The following RAP1GDS1 variants were observed in gnomAD, a reference collection of about 807,000 sequenced individuals.
The protein encoded by RAP1GDS1 is Rap1 GTPase-GDP dissociation stimulator 1.
RAP1GDS1 carries 35 observed loss-of-function variants against 71.1 expected under a neutral mutation model. The observed-to-expected ratio is 0.49, with a 90% CI of 0.38 to 0.65. The LOEUF (loss-of-function observed/expected upper bound fraction) is 0.65. RAP1GDS1 is among the 30% of genes least tolerant of loss of function. The pLI is 0.00. For missense variants in RAP1GDS1, 663 were observed against 706.1 expected (o/e 0.94, Z 0.69); for synonymous variants, 229 against 243.1 (o/e 0.94, Z 0.54).
At chr4:98,339,036 A>G (rs1051215637) in intron 2 of RAP1GDS1, among the ~76,000 whole-genome samples, 1 of 152,148 alleles carries the variant, frequency 6.6e-6, no homozygotes, top group Non-Finnish European at 1.5e-5. Flanking sequence ...AATACTTTGT[A>G]TTGACCTTGA....
chr4:98,303,789 T>C (rs1201013687), intron 2 of RAP1GDS1, among the ~76,000 whole-genome samples: 8 of 152,086 alleles, frequency 5.3e-5, no homozygotes, highest in Non-Finnish European at 8.8e-5. Context: ...TTGCTGCACC[T>C]ATCAACCCTT....
At chr4:98,386,778 A>G (rs1202184349) in intron 5 of RAP1GDS1, among the ~76,000 whole-genome samples, 1 of 152,032 alleles carries the variant, frequency 6.6e-6, no homozygotes, top group African/African-American at 2.4e-5. Flanking sequence ...ATTTGAGTAT[A>G]TAAAGTTTTT....
chr4:98,288,422 C>A (rs374810780), intron 1 of RAP1GDS1, among the ~76,000 whole-genome samples: 4 of 152,158 alleles, frequency 2.6e-5, no homozygotes, highest in East Asian at 3.9e-4. Context: ...TTCTTAATCC[C>A]GTCTATCATT....
intron 2 of RAP1GDS1, among the ~76,000 whole-genome samples, chr4:98,295,397 A>T (rs7683964): frequency 0.15 from 22,394 of 152,118 alleles, 2,459 homozygotes; most frequent in African/African-American, 0.3. Context: ...AATGCCCTCA[A>T]GCCTAAGACT....
At chr4:98,413,613 C>CT (rs1254248171) in intron 7 of RAP1GDS1, among the ~76,000 whole-genome samples, 1 of 151,410 alleles carries the variant, frequency 6.6e-6, no homozygotes, top group Non-Finnish European at 1.5e-5. Flanking sequence ...TTAATCCAGT[C>CT]TATCATTGTT....
intron 1 of RAP1GDS1, among the ~76,000 whole-genome samples, chr4:98,288,260 C>T (rs1726339655): frequency 1.3e-5 from 2 of 152,130 alleles, no homozygotes; most frequent in Admixed American, 1.3e-4. Context: ...CAGTTCCCAC[C>T]TATGAGTGAG....
At chr4:98,326,743 C>T (rs1560842127) in intron 2 of RAP1GDS1, among the ~76,000 whole-genome samples, 3 of 152,292 alleles carry the variant, frequency 2.0e-5, no homozygotes, top group South Asian at 2.1e-4. Context: ...CTCAGCTCCA[C>T]TCACTAGGTT....
intron 4 of RAP1GDS1, among the ~76,000 whole-genome samples, chr4:98,378,142 C>CT (rs1741449063): frequency 6.6e-6 from 1 of 151,750 alleles, no homozygotes; most frequent in African/African-American, 2.4e-5. Flanking sequence ...TGGACCTCTT[C>CT]TAGAGGGTGG....
intron 1 of RAP1GDS1, among the ~76,000 whole-genome samples, chr4:98,283,938 G>A (rs73834403): frequency 0.041 from 6,284 of 151,448 alleles, 306 homozygotes; most frequent in African/African-American, 0.12. Flanking sequence ...TCTATATAAA[G>A]GAAGGTACAG....
At chr4:98,416,132 A>G (rs1747950341) in intron 7 of RAP1GDS1, among the ~76,000 whole-genome samples, 1 of 152,056 alleles carries the variant, frequency 6.6e-6, no homozygotes, top group South Asian at 2.1e-4. Flanking sequence ...CATGATATCT[A>G]GAGTAATAGT....
chr4:98,318,118 C>T (rs998031332), intron 2 of RAP1GDS1, among the ~76,000 whole-genome samples: 4 of 152,188 alleles, frequency 2.6e-5, no homozygotes, highest in Admixed American at 2.0e-4. Flanking sequence ...GTTGGGATTA[C>T]AGGCGTGAGC....
At chr4:98,432,788 AAAT>A (rs1750613283) in intron 12 of RAP1GDS1, among the ~76,000 whole-genome samples, 1 of 152,202 alleles carries the variant, frequency 6.6e-6, no homozygotes, top group South Asian at 2.1e-4. Context: ...ATTATTTTTA[AAAT>A]ATTATTGAGA....
At chr4:98,346,481 G>T (rs1736284510) in intron 3 of RAP1GDS1, among the ~76,000 whole-genome samples, 1 of 152,020 alleles carries the variant, frequency 6.6e-6, no homozygotes, top group African/African-American at 2.4e-5. Flanking sequence ...GCACTATATT[G>T]TCAGGTAGCT....
chr4:98,299,311 T>C (rs1362955767), intron 2 of RAP1GDS1, among the ~76,000 whole-genome samples: 1 of 152,256 alleles, frequency 6.6e-6, no homozygotes, highest in Non-Finnish European at 1.5e-5. Flanking sequence ...CTATCATTGA[T>C]GGACATTCAG....
intron 6 of RAP1GDS1, among the ~76,000 whole-genome samples, chr4:98,393,567 A>ATGAT (rs1744055869): frequency 6.6e-6 from 1 of 152,246 alleles, no homozygotes; most frequent in South Asian, 2.1e-4. Context: ...TAACAGAAAC[A>ATGAT]TGATTGGTTC....
At chr4:98,369,421 A>G (rs1038058314) in intron 4 of RAP1GDS1, among the ~76,000 whole-genome samples, 2 of 152,192 alleles carry the variant, frequency 1.3e-5, no homozygotes, top group East Asian at 1.9e-4. Flanking sequence ...TGAATGTTCA[A>G]TGCAGCATTA....
At chr4:98,341,050 C>G (rs1309192234) in intron 2 of RAP1GDS1, among the ~76,000 whole-genome samples, 1 of 152,064 alleles carries the variant, frequency 6.6e-6, no homozygotes, top group African/African-American at 2.4e-5. Flanking sequence ...AAAAAATACA[C>G]TTTGTAGTTA....
chr4:98,347,808 G>T (rs1283887284), intron 3 of RAP1GDS1, among the ~76,000 whole-genome samples: 8 of 152,076 alleles, frequency 5.3e-5, no homozygotes, highest in African/African-American at 1.7e-4. Flanking sequence ...CTTCAAAGTA[G>T]ACCATCTTTT....
At chr4:98,278,045 G>A (rs999972131) in intron 1 of RAP1GDS1, among the ~76,000 whole-genome samples, 7 of 152,060 alleles carry the variant, frequency 4.6e-5, no homozygotes, top group South Asian at 2.1e-4. Flanking sequence ...TGGCCAACAC[G>A]GCTACTAAAA....
Sources: gnomAD v4.1 joint callset for allele counts (sites outside exome capture counted in the v4.1 genomes callset) on GRCh38, gnomAD v4.1.1 for gene constraint, MANE v1.5 for transcripts, NCBI Gene and HGNC (gene_info 2026-07-23, HGNC 2026-07-21) for gene names.